The following FIS1 variants were observed in gnomAD, a reference collection of about 807,000 sequenced individuals.
FIS1 encodes the protein fission, mitochondrial 1.
A neutral mutation model predicts 21.6 loss-of-function variants in FIS1; 16 were observed. That is an observed-to-expected ratio of 0.74 (90% CI 0.50 to 1.12). The LOEUF is 1.12. Among genes scored for constraint, FIS1 ranks in the 50% most tolerant of loss-of-function variants. The pLI is 0.00. For synonymous variants in FIS1, 92 were observed against 82.2 expected, an observed-to-expected ratio of 1.12 and a Z score of -0.65; for missense variants, 198 against 190.9, an observed-to-expected ratio of 1.04 and a Z score of -0.22.
intron 2 of FIS1, 163 bp from the exon 3 acceptor site, chr7:101,241,069 A>T: frequency 1.5e-6 from 1 of 673,248 alleles, no homozygotes; most frequent in East Asian, 2.7e-5. Flanking sequence ...CACCCTAGCC[A>T]GAGCTCTGGG....
chr7:101,241,054 C>A, intron 2 of FIS1, 148 bp from the exon 3 acceptor site: 1 of 727,332 alleles, frequency 1.4e-6, no homozygotes, highest in Non-Finnish European at 2.4e-6. Flanking sequence ...TCCAGTCACT[C>A]CCAGCACCCT....
chr7:101,244,825 G>C (rs1428978990), intron 1 of FIS1, 135 bp downstream of exon 1: 7 of 1,085,708 alleles, frequency 6.4e-6, no homozygotes, highest in Non-Finnish European at 1.4e-6. Context: ...GCCAGGCGCT[G>C]TGGAGGCTGC....
Position 101,245,077 on chromosome 7 carries a change from A to T in FIS1, c.-73T>A. 6.5e-7 allele frequency: 1 copy of T among 1,543,440 alleles called. No homozygotes were observed. The highest frequency in any genetic ancestry group is 1.2e-5 in the South Asian group (1 of 84,812). ...CTCCATGGCCCAGTGGCAGGGGCGGAGAACCACTTCCGGCGTCCGGCGGAT... is the reference window on the plus strand; with the variant it reads ...CTCCATGGCCCAGTGGCAGGGGCGGTGAACCACTTCCGGCGTCCGGCGGAT... On this transcript the variant is annotated 5_prime_UTR_variant, in exon 1 of 5. Coordinates refer to ENST00000223136, the MANE Select transcript of FIS1 (RefSeq NM_016068.3).
chr7:101,244,935 TC>T (rs781365386), intron 1 of FIS1, 24 bp downstream of exon 1: 2 of 1,613,838 alleles, frequency 1.2e-6, no homozygotes, highest in East Asian at 4.5e-5. Context: ...ACCTTCCCTT[TC>T]CCTCTGTCCG....
At chr7:101,240,434 GA>G (rs1279150696) in intron 3 of FIS1, among the ~76,000 whole-genome samples, 187 bp from the exon 4 acceptor site, 1 of 152,140 alleles carries the variant, frequency 6.6e-6, no homozygotes, top group Non-Finnish European at 1.5e-5. Context: ...GAGTAGCCGG[GA>G]TTACAGGCGT....
At chr7:101,244,897 C>A in intron 1 of FIS1, 63 bp downstream of exon 1, 1 of 1,601,130 alleles carries the variant, frequency 6.2e-7, no homozygotes, top group Non-Finnish European at 8.6e-7. Flanking sequence ...TCGGCCCCTA[C>A]CTGACTCTCC....
rs533821457 is a variant in FIS1, at chr7:101,239,920, A to G, written c.362-17T>C. 1.4e-5 allele frequency: 22 copies of G among 1,587,230 alleles called. No homozygotes were observed. In the South Asian group the frequency reaches 2.2e-4, roughly 16 times the overall value. ...CGAGTCCATCTGGGGAAGGAAAGGG[A>G]CAGTGTCAGGAGCCCGGCCCCTGCG... On this transcript the variant is annotated splice_polypyrimidine_tract_variant and intron_variant, in intron 4 of 4. Transcript: ENST00000223136.
intron 2 of FIS1, 51 bp from the exon 3 acceptor site, chr7:101,240,957 CCTAATA>C (rs1434085625): frequency 1.3e-6 from 2 of 1,573,668 alleles, no homozygotes; most frequent in African/African-American, 2.7e-5. Flanking sequence ...CTAATACTTT[CCTAATA>C]CTGTGTCCCA....
rs946944019 is a variant in FIS1 at position 101,245,059 on chromosome 7, G to A, written c.-55C>T. 11 of 1,578,128 alleles carry A rather than the reference G, an allele frequency of 7.0e-6. No homozygotes were observed. Among genetic ancestry groups the A allele is most frequent in the African/African-American group, 2.7e-5 (2 of 73,850 alleles). On this transcript the variant is annotated 5_prime_UTR_variant, in exon 1 of 5. Coordinates refer to ENST00000223136, the MANE Select transcript of FIS1 (RefSeq NM_016068.3). ...AGTCTACTGTGCCACAGTCTCCATG[G>A]CCCAGTGGCAGGGGCGGAGAACCAC...
At chr7:101,243,129 C>T (rs1461761629) in intron 2 of FIS1, among the ~76,000 whole-genome samples, 1 of 152,116 alleles carries the variant, frequency 6.6e-6, no homozygotes, top group Non-Finnish European at 1.5e-5. Flanking sequence ...ACCAATCCCC[C>T]ATGGCTACAG....
rs573564924 is a variant in FIS1, at chr7:101,239,658, T to G, written c.*148A>C. ...TTATTTACACTCATCCCAAAGCACA[T>G]GATGGGGCTGAAGGACGAATCTCAG... On this transcript the variant is annotated 3_prime_UTR_variant, in exon 5 of 5. Coordinates refer to ENST00000223136, the MANE Select transcript of FIS1 (RefSeq NM_016068.3). 2 of 716,996 alleles carry G rather than the reference T, an allele frequency of 2.8e-6. No homozygotes were observed. The highest frequency in any genetic ancestry group is 2.8e-5 in the East Asian group (1 of 35,884). The allele number at this position is 716,996 out of a possible 1,614,324, so 44.4% of individuals were successfully genotyped here.
rs1562907737 is a variant in FIS1 at position 101,240,906 on chromosome 7, T to G, written c.179A>C (p.Glu60Ala). 4.3e-6 allele frequency: 7 copies of G among 1,614,000 alleles called. No individual in the cohort carries two copies. The highest frequency in any genetic ancestry group is 1.7e-4 in the Middle Eastern group (1 of 6,044). ...CTCCTTGCTCCCTTTGGGCAGCAGCTCTGGGGAGGGGCAGAGAAGAGGGTG... is the reference window on the plus strand; with the variant it reads ...CTCCTTGCTCCCTTTGGGCAGCAGCGCTGGGGAGGGGCAGAGAAGAGGGTG... ...DIRKGIVLLE[E>A]LLPKGSKEEQ... The change falls in exon 3 of 5, where the codon GAG becomes GCG. Residue 60 changes from glutamate to alanine, a missense_variant and splice_region_variant. Coordinates refer to ENST00000223136, the MANE Select transcript of FIS1 (RefSeq NM_016068.3).
chr7:101,239,982 T>C, intron 4 of FIS1, 79 bp from the exon 5 acceptor site: 1 of 1,453,942 alleles, frequency 6.9e-7, no homozygotes, highest in Non-Finnish European at 9.4e-7. Context: ...GCCCTGCCCC[T>C]CAACAGAGGC....
rs1296555723 is a variant in FIS1 at position 101,239,606 on chromosome 7, CG to C, written c.*199del. The stretch of plus-strand genomic sequence containing the variant: ...CCCACCCCTCCCCTCAACGCAGACA[CG>C]GGGGTTCCCAAGCCACAGCCCCGTT... On this transcript the variant is annotated 3_prime_UTR_variant, in exon 5 of 5. Transcript: ENST00000223136. 3.1e-6 allele frequency: 2 copies of C among 638,334 alleles called. No homozygotes were observed. Among genetic ancestry groups the C allele is most frequent in the African/African-American group, 3.6e-5 (2 of 56,058 alleles). The allele number at this position is 638,334 out of a possible 1,614,324, so 39.5% of individuals were successfully genotyped here. A position where few individuals can be genotyped will look rare whatever the true frequency, so the allele number is the denominator to read the frequency against.
At position 101,245,013 on chromosome 7, in the gene FIS1, C is replaced by T. The variant is rs772833470; in HGVS notation, c.-9G>A. 10 of 1,613,808 alleles carry T rather than the reference C, an allele frequency of 6.2e-6. No individual in the cohort carries two copies. The highest frequency in any genetic ancestry group is 8.5e-6 in the Non-Finnish European group (10 of 1,179,864). On this transcript the variant is annotated 5_prime_UTR_variant, in exon 1 of 5. Transcript: ENST00000223136. The stretch of plus-strand genomic sequence containing the variant: ...TTCAGCACGGCCTCCATGGCCACTG[C>T]CCCCGCGAGCCTCACACTACAGTCT...
chr7:101,240,256 G>A lies in FIS1; in HGVS notation c.256-9C>T, dbSNP rs1180017560. 3.1e-6 allele frequency: 5 copies of A among 1,613,458 alleles called. No homozygotes were observed. The highest frequency in any genetic ancestry group is 1.7e-5 in the Admixed American group (1 of 60,018). ...AAGGCCTTCTCGTATTCCTGCGCTC[G>A]GGGAAACGCGCACGCGTCATACACA... On this transcript the variant is annotated splice_polypyrimidine_tract_variant and intron_variant, in intron 3 of 4. Transcript: ENST00000223136.
At chr7:101,241,725 T>C (rs1798753376) in intron 2 of FIS1, 1 of 146,720 alleles carries the variant, frequency 6.8e-6, no homozygotes, top group Non-Finnish European at 1.5e-5. Context: ...TTTGGGAAGC[T>C]GAGCCGGGCG....
In FIS1 at chr7:101,240,883, C is replaced by T. The variant is rs1358203986; in HGVS notation, c.202G>A (p.Glu68Lys). The T allele has an allele frequency of 6.2e-7, 1 of 1,614,170 alleles. No homozygotes were observed. Among genetic ancestry groups the T allele is most frequent in the Admixed American group, 1.7e-5 (1 of 60,022 alleles). The change falls in exon 3 of 5, where the codon GAG becomes AAG. Residue 68 changes from glutamate to lysine, a missense_variant. By Grantham distance (56) the Glu-to-Lys change is moderately conservative. Coordinates refer to ENST00000223136, the MANE Select transcript of FIS1 (RefSeq NM_016068.3). ...LEELLPKGSK[E>K]EQRDYVFYLA... ...TAGAAGACGTAATCCCGCTGTTCCT[C>T]CTTGCTCCCTTTGGGCAGCAGCTCT... is the stretch of plus-strand genomic sequence containing the variant.
chr7:101,244,557 C>T (rs1307135301), intron 1 of FIS1: 6 of 349,966 alleles, frequency 1.7e-5, no homozygotes, highest in Non-Finnish European at 2.1e-5. Flanking sequence ...TAGTGCCTAC[C>T]TCCTAGAGCT....
Sources: allele counts gnomAD v4.1 joint callset (sites outside exome capture counted in the v4.1 genomes callset), GRCh38; gene constraint gnomAD v4.1.1; transcripts MANE v1.5; gene names NCBI Gene and HGNC (gene_info 2026-07-23, HGNC 2026-07-21).